TNXB: variants seen among roughly 807,000 people sequenced by gnomAD.
TNXB encodes tenascin XB, also known as tenascin-X.
Under a neutral mutation model 340.5 loss-of-function variants are expected in TNXB, and 183 were observed. That is an observed-to-expected ratio of 0.54 (90% CI 0.48 to 0.61). TNXB has a LOEUF of 0.61. TNXB is among the 20% of genes least tolerant of loss of function. The pLI is 0.00. For missense variants in TNXB, 4,613 were observed against 5,446.4 expected (o/e 0.85, Z 4.82); for synonymous variants, 2,121 against 2,314.5 (o/e 0.92, Z 2.40).
At position 32,087,860 on chromosome 6, in the gene TNXB, C is replaced by T; in HGVS notation, c.2779+925G>A. 2.2e-6 allele frequency: 1 copy of T among 463,594 alleles called. No individual in the cohort carries two copies. The highest frequency in any genetic ancestry group is 4.3e-6 in the Non-Finnish European group (1 of 233,768). 28.7% of individuals were successfully genotyped at this position (463,594 alleles called of 1,614,324 possible). On this transcript the variant is annotated intron_variant, in intron 6 of 43. Transcript: ENST00000644971. The surrounding 1 kb of genome is among the most constrained non-coding windows in gnomAD (Gnocchi z 9.0). ...GACAGGCTTGGCCTGGGCGGGGACT[C>T]CTCCTCCCTTTCCTCTGCTGGCCTC...
Position 32,068,264 on chromosome 6 carries a change from G to A in TNXB, c.6220+126C>T. On this transcript the variant is annotated intron_variant, in intron 17 of 43. Transcript: ENST00000644971. This position sits in a 1 kb window ranked among gnomAD's most constrained non-coding sequence, Gnocchi z 5.3. ...ACAGGAAGGCCCAAGGGGAGCCCCA[G>A]CCCCAGCCACAAGCAGGTCTGTGGT... The A allele has an allele frequency of 7.2e-7, 1 of 1,389,264 alleles. No individual in the cohort carries two copies. The highest frequency in any genetic ancestry group is 9.7e-7 in the Non-Finnish European group (1 of 1,027,834). 86.1% of individuals were successfully genotyped at this position (1,389,264 alleles called of 1,614,324 possible).
At chr6:32,043,723 T>C (rs374755533) in intron 35 of TNXB, 26 bp downstream of exon 35, 14 of 1,613,376 alleles carry the variant, frequency 8.7e-6, no homozygotes, top group African/African-American at 6.7e-5. Context: ...CTCCCACCTC[T>C]TGCCCCGGGT....
rs562149472 is a variant in TNXB at position 32,074,120 on chromosome 6, G to A, written c.4376-168C>T. On this transcript the variant is annotated intron_variant, in intron 11 of 43. Transcript: ENST00000644971. This position sits in a 1 kb window ranked among gnomAD's most constrained non-coding sequence, Gnocchi z 5.5. ...CAGCCTCTGCCTCCCGGGTTCAAGC[G>A]ATCCTCCTGCCTTAGCCTCCCAAGT... Among the ~76,000 whole-genome samples the A allele has an allele frequency of 1.6e-3, 239 of 152,280 alleles. 1 individual carries two copies. The highest frequency in any genetic ancestry group is 2.9e-3 in the Admixed American group (44 of 15,302).
At position 32,084,367 on chromosome 6, in the gene TNXB, C is replaced by T. The variant is rs1338337777; in HGVS notation, c.3445+46G>A. The T allele has an allele frequency of 1.3e-6, 2 of 1,493,682 alleles. No individual in the cohort carries two copies. Among genetic ancestry groups the T allele is most frequent in the Non-Finnish European group, 9.0e-7 (1 of 1,116,776 alleles). 92.5% of individuals were successfully genotyped at this position (1,493,682 alleles called of 1,614,324 possible). On this transcript the variant is annotated intron_variant, in intron 8 of 43. Transcript: ENST00000644971. This position sits in a 1 kb window ranked among gnomAD's most constrained non-coding sequence, Gnocchi z 5.5. ...CAGGTTCCCAAAGCACTGAGAAAAC[C>T]TCTTCAGGGCAGTACAGAGGGCAGG...
chr6:32,083,653 T>TC lies in TNXB; in HGVS notation c.3445+759dup, dbSNP rs989540720. ...ATCCCAGCTGACCCATCATCATTTT[T>TC]CTTTTTTTTGAGACAGGGTGTTGCT... On this transcript the variant is annotated intron_variant, in intron 8 of 43. Transcript: ENST00000644971. This position sits in a 1 kb window ranked among gnomAD's most constrained non-coding sequence, Gnocchi z 4.6. Among the ~76,000 whole-genome samples, 10 of 152,070 alleles carry TC rather than the reference T, an allele frequency of 6.6e-5. No individual in the cohort carries two copies. Among genetic ancestry groups the TC allele is most frequent in the African/African-American group, 2.2e-4 (9 of 41,390 alleles).
rs1444554659 is a variant in TNXB, at chr6:32,070,200, G to T, written c.5205C>A (p.Arg1735=). 6.2e-7 allele frequency: 1 copy of T among 1,612,174 alleles called. No homozygotes were observed. Among genetic ancestry groups the T allele is most frequent in the Non-Finnish European group, 8.5e-7 (1 of 1,179,254 alleles). The change falls in exon 14 of 44, where the codon CGC becomes CGA. Residue 1735 remains arginine, a synonymous_variant. Coordinates refer to ENST00000644971, the MANE Select transcript of TNXB (RefSeq NM_001365276.2). This position sits in a 1 kb window ranked among gnomAD's most constrained non-coding sequence, Gnocchi z 6.0. The part of the protein sequence containing the change: ...SVTVTPLDAG[R]KYRFLLYGLL... Reference sequence around the variant, plus strand: ...GGCCATAGAGGAGGAATCTGTACTTGCGGCCGGCATCCAGAGGGGTGACAG... The same window carrying T: ...GGCCATAGAGGAGGAATCTGTACTTTCGGCCGGCATCCAGAGGGGTGACAG...
In TNXB at chr6:32,095,835, T is replaced by G. The variant is rs759713941; in HGVS notation, c.2018A>C (p.Tyr673Ser). 8.1e-6 allele frequency: 13 copies of G among 1,612,460 alleles called. No homozygotes were observed. The highest frequency in any genetic ancestry group is 1.1e-5 in the Non-Finnish European group (13 of 1,179,382). ...VQGVCLCHVGYGGEDCGQEEP... is the reference protein window; with the variant it reads ...VQGVCLCHVGSGGEDCGQEEP... ...TTCCTGCCCGCAGTCCTCACCGCCA[T>G]AGCCCACGTGGCACAGGCACACTCC... The change falls in exon 3 of 44, where the codon TAT (tyrosine) becomes TCT (serine). Residue 673 changes from tyrosine (Y) to serine (S), a missense_variant. By Grantham distance (144) the Tyr-to-Ser change is moderately radical. Around this residue, in one of 7 missense-constraint regions of TNXB, gnomAD observed 4,327 missense variants for 4,859.4 expected, o/e 0.89. Coordinates refer to ENST00000644971, the MANE Select transcript of TNXB (RefSeq NM_001365276.2).
At chr6:32,054,771 T>G (rs1777530067) in intron 24 of TNXB, among the ~76,000 whole-genome samples, 3 of 152,210 alleles carry the variant, frequency 2.0e-5, no homozygotes, top group African/African-American at 7.2e-5. Flanking sequence ...CTTCCGCCTA[T>G]GAAAGAAAAA....
rs765670001 is a variant in TNXB, at chr6:32,056,101, C to G, written c.8217G>C (p.Leu2739=). The G allele has an allele frequency of 1.6e-5, 25 of 1,612,590 alleles. No individual in the cohort carries two copies. Among genetic ancestry groups the G allele is most frequent in the Middle Eastern group, 3.3e-4 (2 of 6,084 alleles). Residue 2739 remains leucine (L), a synonymous_variant, in exon 24 of 44, where the codon CTG becomes CTC. Coordinates refer to ENST00000644971, the MANE Select transcript of TNXB (RefSeq NM_001365276.2). ...EAPEPPEEPL[L]GELTVTGSSP... ...AGGATCCTGTCACTGTCAGCTCCCC[C>G]AGGAGCGGCTCCTCAGGGGGCTCCG...
At chr6:32,078,265 C>T (rs1363934837) in intron 11 of TNXB, among the ~76,000 whole-genome samples, 5 of 151,340 alleles carry the variant, frequency 3.3e-5, no homozygotes, top group East Asian at 1.9e-4. Flanking sequence ...CTGGCCAACA[C>T]GGTGAACCCC....
chr6:32,078,905 G>T, intron 11 of TNXB, 128 bp downstream of exon 11: 2 of 1,013,452 alleles, frequency 2.0e-6, no homozygotes, highest in Non-Finnish European at 2.8e-6. Flanking sequence ...CCAGTGACAT[G>T]CTCTTTCTAG....
rs1778417192 is a variant in TNXB, at chr6:32,067,163, G to GAAAGAAAGAAAGAAAGAA, written c.6544+480_6544+497dup. Among the ~76,000 whole-genome samples the GAAAGAAAGAAAGAAAGAA allele has an allele frequency of 1.3e-5, 2 of 151,544 alleles. No homozygotes were observed. Among genetic ancestry groups the GAAAGAAAGAAAGAAAGAA allele is most frequent in the African/African-American group, 2.4e-5 (1 of 41,178 alleles). ...AGAAAGAAAGAAAGAAAGAAAGAAA[G>GAAAGAAAGAAAGAAAGAA]AAAGAAAGAAAGAAAGAAAGAAAAC... On this transcript the variant is annotated intron_variant, in intron 18 of 43. Transcript: ENST00000644971. The surrounding 1 kb of genome is among the most constrained non-coding windows in gnomAD (Gnocchi z 4.2).
intron 3 of TNXB, 149 bp downstream of exon 3, chr6:32,095,462 C>T (rs1380309115): frequency 9.8e-7 from 1 of 1,021,808 alleles, no homozygotes; most frequent in African/African-American, 1.6e-5. Context: ...TGGAAAGCCC[C>T]ACCCCTGTGG....
rs1777049585 is a variant in TNXB, at chr6:32,048,519, T to C, written c.9889A>G (p.Arg3297Gly). The C allele has an allele frequency of 1.9e-6, 3 of 1,600,324 alleles. No homozygotes were observed. The highest frequency in any genetic ancestry group is 2.7e-5 in the African/African-American group (2 of 74,754). ...GCCTGGGGCTGCCCCTGCGCGTCCC[T>C]GTACTGTACCAGGAAGGAGTCAAAG... ...GPFDSFLVQY[R>G]DAQGQPQAVP... The change falls in exon 29 of 44, where the codon AGG becomes GGG. Residue 3297 changes from arginine to glycine, a missense_variant. By Grantham distance (125) the Arg-to-Gly change is moderately radical (BLOSUM62 -2). Around this residue, in one of 7 missense-constraint regions of TNXB, gnomAD observed 4,327 missense variants for 4,859.4 expected, o/e 0.89. Transcript: ENST00000644971.
intron 35 of TNXB, 78 bp downstream of exon 35, chr6:32,043,671 C>T: frequency 6.2e-7 from 1 of 1,608,148 alleles, no homozygotes; most frequent in Non-Finnish European, 8.5e-7. Flanking sequence ...CCCTTTCACC[C>T]TCCTCGTTCT....
At chr6:32,105,361 G>A (rs1780926613) in intron 1 of TNXB, among the ~76,000 whole-genome samples, 1 of 152,082 alleles carries the variant, frequency 6.6e-6, no homozygotes, top group African/African-American at 2.4e-5. Context: ...ATAACAATTT[G>A]CAATCATATA....
Position 32,052,490 on chromosome 6 carries a change from A to G in TNXB, c.9115+180T>C, listed in dbSNP as rs2151895945. On this transcript the variant is annotated intron_variant, in intron 26 of 43. Transcript: ENST00000644971. This position sits in a 1 kb window ranked among gnomAD's most constrained non-coding sequence, Gnocchi z 4.7. Reference sequence around the variant, plus strand: ...GAAAGAAAGAAAAAGAAAGAAATGCATGGTCTCTTGCCCTAGGCCAAGCCT... The same window carrying G: ...GAAAGAAAGAAAAAGAAAGAAATGCGTGGTCTCTTGCCCTAGGCCAAGCCT... 6.6e-6 allele frequency among the ~76,000 whole-genome samples: 1 copy of G among 152,084 alleles called. No individual in the cohort carries two copies. Among genetic ancestry groups the G allele is most frequent in the South Asian group, 2.1e-4 (1 of 4,828 alleles).
In TNXB at chr6:32,043,793, CG is replaced by C; in HGVS notation, c.11485del (p.Arg3829GlufsTer26). ...ARYEVTVVSV[R>X]GFEESEPLTG... The stretch of plus-strand genomic sequence containing the variant: ...GAGAGGCTCACTCTCCTCAAAGCCT[CG>C]GACCGAGACCACGGTCACCTCATAG... On this transcript the variant is annotated frameshift_variant, in exon 35 of 44. Transcript: ENST00000644971. LOFTEE classifies it high-confidence loss of function. 1 of 1,613,518 alleles carries C rather than the reference CG, an allele frequency of 6.2e-7. No individual in the cohort carries two copies. Among genetic ancestry groups the C allele is most frequent in the Non-Finnish European group, 8.5e-7 (1 of 1,180,020 alleles).
Position 32,087,459 on chromosome 6 carries a change from G to A in TNXB, c.2779+1326C>T. On this transcript the variant is annotated intron_variant, in intron 6 of 43. Coordinates refer to ENST00000644971, the MANE Select transcript of TNXB (RefSeq NM_001365276.2). This position sits in a 1 kb window ranked among gnomAD's most constrained non-coding sequence, Gnocchi z 9.0. Reference sequence around the variant, plus strand: ...GCTCGAACTGGCCGCGGAGCCCGTCGAGAGACACGAGAAGCGCGCCATCGG... The same window carrying A: ...GCTCGAACTGGCCGCGGAGCCCGTCAAGAGACACGAGAAGCGCGCCATCGG... 2.0e-6 allele frequency: 1 copy of A among 488,132 alleles called. No homozygotes were observed. Among genetic ancestry groups the A allele is most frequent in the Non-Finnish European group, 4.1e-6 (1 of 246,020 alleles). The allele number at this position is 488,132 out of a possible 1,614,324, so 30.2% of individuals were successfully genotyped here.
Sources: allele counts gnomAD v4.1 joint callset (sites outside exome capture counted in the v4.1 genomes callset), GRCh38; gene constraint gnomAD v4.1.1; regional missense constraint gnomAD v4.1.1; non-coding constraint Gnocchi (gnomAD v3.1); transcripts MANE v1.5; gene names NCBI Gene and HGNC (gene_info 2026-07-23, HGNC 2026-07-21).